The following ARFIP1 variants were observed in gnomAD, a reference collection of about 807,000 sequenced individuals.
ARFIP1 encodes the protein ARF interacting protein 1.
A neutral mutation model predicts 42.5 loss-of-function variants in ARFIP1; 24 were observed. That is an observed-to-expected ratio of 0.57 (90% CI 0.41 to 0.80). The LOEUF is 0.80. Ranked by LOEUF, ARFIP1 falls within the 30% of genes least tolerant of loss-of-function variation. The probability of loss-of-function intolerance (pLI) is 0.00; values close to 1 mark genes in which losing one functional copy is unlikely to be tolerated. For synonymous variants in ARFIP1, 141 were observed against 153.7 expected (o/e 0.92, Z 0.61); for missense variants, 354 against 434.0 (o/e 0.82, Z 1.64).
At chr4:152,800,958 G>A (rs1424998948) in intron 1 of ARFIP1, among the ~76,000 whole-genome samples, 1 of 152,072 alleles carries the variant, frequency 6.6e-6, no homozygotes, top group Non-Finnish European at 1.5e-5. Flanking sequence ...CAAAAGCACA[G>A]ATAAAGAACA....
chr4:152,826,263 A>G (rs191243339), intron 1 of ARFIP1, among the ~76,000 whole-genome samples: 1 of 152,356 alleles, frequency 6.6e-6, no homozygotes, highest in East Asian at 1.9e-4. Flanking sequence ...TGGGGTTTAT[A>G]TATACCATGG....
chr4:152,834,167 T>A (rs1369884848), intron 2 of ARFIP1, among the ~76,000 whole-genome samples: 2 of 152,192 alleles, frequency 1.3e-5, no homozygotes, highest in East Asian at 3.9e-4. Flanking sequence ...GGGAGTGGTG[T>A]TAAACCATTC....
chr4:152,868,700 A>C (rs1199803276), intron 3 of ARFIP1, among the ~76,000 whole-genome samples: 1 of 152,188 alleles, frequency 6.6e-6, no homozygotes, highest in Non-Finnish European at 1.5e-5. Flanking sequence ...GGGTCAAGAC[A>C]TGGAAGTACA....
At chr4:152,817,253 G>A (rs1259172822) in intron 1 of ARFIP1, among the ~76,000 whole-genome samples, 1 of 152,088 alleles carries the variant, frequency 6.6e-6, no homozygotes, top group Non-Finnish European at 1.5e-5. Flanking sequence ...TATTTGCAAG[G>A]AACAGAAACT....
At chr4:152,882,216 G>C (rs1302646296) in intron 6 of ARFIP1, among the ~76,000 whole-genome samples, 1 of 152,140 alleles carries the variant, frequency 6.6e-6, no homozygotes, top group East Asian at 1.9e-4. Context: ...ATAGAGCTGA[G>C]CTTGGGAGTC....
At chr4:152,863,204 C>T (rs1170000283) in intron 2 of ARFIP1, among the ~76,000 whole-genome samples, 3 of 152,146 alleles carry the variant, frequency 2.0e-5, no homozygotes, top group African/African-American at 4.8e-5. Flanking sequence ...TTTGTTTATA[C>T]TGTGCATTAG....
rs1332065875 is a variant in ARFIP1, at chr4:152,888,199, T to G, written c.858T>G (p.Thr286=). ...ELNLGPRDAN[T]LPKIEQSQHL... ...ATCTTGGACCACGTGACGCAAACAC[T>G]CTGCCAAAGATTGAGCAGTCACAGC... is the stretch of plus-strand genomic sequence containing the variant. Residue 286 remains threonine (T), a synonymous_variant, in exon 8 of 9, where the codon ACT becomes ACG. Coordinates refer to ENST00000353617, the MANE Select transcript of ARFIP1 (RefSeq NM_001025595.3). The G allele has an allele frequency of 1.2e-6, 2 of 1,612,048 alleles. No individual in the cohort carries two copies. The highest frequency in any genetic ancestry group is 1.3e-5 in the African/African-American group (1 of 74,928).
rs1053296786 is a variant in ARFIP1 at position 152,844,295 on chromosome 4, C to T, written c.93+14569C>T. ...TCTCCTGGGTCCTCCGGGAGCAGTC[C>T]GCTTCCTTCAGAGGGTCTGTGGGTC... is the stretch of plus-strand genomic sequence containing the variant. On this transcript the variant is annotated intron_variant, in intron 2 of 8. Transcript: ENST00000353617. 7.2e-5 allele frequency among the ~76,000 whole-genome samples: 11 copies of T among 152,260 alleles called. 1 individual carries two copies. The East Asian group carries it at 1.2e-3, about 16-fold the overall frequency.
At chr4:152,808,346 TGTGTGGTA>T (rs1398282612) in intron 1 of ARFIP1, among the ~76,000 whole-genome samples, 1 of 145,332 alleles carries the variant, frequency 6.9e-6, no homozygotes, top group Non-Finnish European at 1.5e-5. Context: ...GTTCTATTGC[TGTGTGGTA>T]GTTCATTGTA....
At chr4:152,838,879 CAACTT>C (rs1286807558) in intron 2 of ARFIP1, among the ~76,000 whole-genome samples, 2 of 152,120 alleles carry the variant, frequency 1.3e-5, no homozygotes, top group Middle Eastern at 3.2e-3. Flanking sequence ...AGAATGCTTT[CAACTT>C]TTCCCCATTC....
intron 8 of ARFIP1, among the ~76,000 whole-genome samples, chr4:152,893,325 C>CTGTTTTCTGCAA (rs1241126577): frequency 6.6e-5 from 10 of 152,238 alleles, no homozygotes; most frequent in Admixed American, 6.5e-5. Context: ...AGAAATGCTT[C>CTGTTTTCTGCAA]TGTTTTCTGC....
chr4:152,880,286 T>C (rs923629615), intron 5 of ARFIP1, among the ~76,000 whole-genome samples: 1 of 151,118 alleles, frequency 6.6e-6, no homozygotes, highest in Non-Finnish European at 1.5e-5. Flanking sequence ...GAGGTTGCAG[T>C]GAGCCGAGAT....
chr4:152,854,813 A>G (rs1214165463), intron 2 of ARFIP1, among the ~76,000 whole-genome samples: 1 of 152,186 alleles, frequency 6.6e-6, no homozygotes, highest in Admixed American at 6.5e-5. Flanking sequence ...TAGATGTCAG[A>G]TAGGTCACTC....
chr4:152,809,945 C>T (rs937111085), intron 1 of ARFIP1: 1 of 152,120 alleles, frequency 6.6e-6, no homozygotes, highest in Non-Finnish European at 1.5e-5. Context: ...TTAGAATGTA[C>T]TTGAACTTAA....
chr4:152,842,369 T>C (rs897333557), intron 2 of ARFIP1, among the ~76,000 whole-genome samples: 1 of 152,170 alleles, frequency 6.6e-6, no homozygotes, highest in Non-Finnish European at 1.5e-5. Flanking sequence ...ATCTTAACTT[T>C]GGATAACCCG....
intron 1 of ARFIP1, among the ~76,000 whole-genome samples, chr4:152,814,194 G>T (rs1344086869): frequency 6.6e-6 from 1 of 150,520 alleles, no homozygotes; most frequent in Non-Finnish European, 1.5e-5. Flanking sequence ...GGGCTCAGGT[G>T]ATCTTCCCAC....
At chr4:152,827,493 T>G (rs1730929985) in intron 1 of ARFIP1, among the ~76,000 whole-genome samples, 1 of 152,192 alleles carries the variant, frequency 6.6e-6, no homozygotes, top group Admixed American at 6.5e-5. Flanking sequence ...AAATGTATAA[T>G]GACATGTATC....
intron 1 of ARFIP1, among the ~76,000 whole-genome samples, chr4:152,820,705 A>G (rs975482427): frequency 2.0e-5 from 3 of 152,234 alleles, no homozygotes; most frequent in African/African-American, 4.8e-5. Context: ...ATCTGCCCCC[A>G]TGATCCAATC....
chr4:152,863,516 G>T (rs1734052832), intron 2 of ARFIP1, 90 bp from the exon 3 acceptor site: 4 of 721,360 alleles, frequency 5.5e-6, no homozygotes, highest in Non-Finnish European at 7.1e-6. Context: ...AATAATCTAA[G>T]ATTTGATTAA....
Sources: allele counts gnomAD v4.1 joint callset (sites outside exome capture counted in the v4.1 genomes callset), GRCh38; gene constraint gnomAD v4.1.1; transcripts MANE v1.5; gene names NCBI Gene and HGNC (gene_info 2026-07-23, HGNC 2026-07-21).